The following RNF150 variants were observed in gnomAD, a reference collection of about 807,000 sequenced individuals.
The protein encoded by RNF150 is ring finger protein 150.
RNF150 carries 24 observed loss-of-function variants against 39.3 expected under a neutral mutation model. The ratio of observed to expected loss-of-function variants is 0.61; its 90% CI spans 0.44 to 0.86. The LOEUF (loss-of-function observed/expected upper bound fraction) is 0.86, where lower values mean the gene tolerates loss of function less well. Among genes scored for constraint, RNF150 ranks in the 40% least tolerant of loss-of-function variants. RNF150 has a pLI of 0.00. For missense variants in RNF150, 502 were observed against 587.8 expected (o/e 0.85, Z 1.51); for synonymous variants, 255 against 227.3 (o/e 1.12, Z -1.10).
chr4:141,151,992 A>C (rs966307176), intron 1 of RNF150, among the ~76,000 whole-genome samples: 6 of 152,128 alleles, frequency 3.9e-5, no homozygotes, highest in African/African-American at 1.2e-4. Context: ...TCTTTTACAA[A>C]ACTTTCATTG....
chr4:140,868,530 C>T (rs1443978152), intron 6 of RNF150, 151 bp from the exon 7 acceptor site: 1 of 581,526 alleles, frequency 1.7e-6, no homozygotes, highest in Admixed American at 3.2e-5. Flanking sequence ...TAGTTAAAGC[C>T]TCATCTCACA....
At position 140,883,927 on chromosome 4, in the gene RNF150, C is replaced by T. The variant is rs57444635; in HGVS notation, c.1199-15548G>A. Among the ~76,000 whole-genome samples the T allele has an allele frequency of 9.1e-3, 1,381 of 152,138 alleles. 27 individuals carry two copies. The highest frequency in any genetic ancestry group is 0.032 in the African/African-American group (1,310 of 41,512). On this transcript the variant is annotated intron_variant, in intron 6 of 6. Transcript: ENST00000515673. ...AACTCTCATGATGCACATATTTGTC[C>T]ACCTGATGGTACAGCATAAGTCCCT...
At chr4:140,900,209 G>GCA (rs1730140176) in intron 6 of RNF150, among the ~76,000 whole-genome samples, 1 of 152,158 alleles carries the variant, frequency 6.6e-6, no homozygotes, top group African/African-American at 2.4e-5. Context: ...TCATAGAGCA[G>GCA]TTGTCTATGG....
intron 1 of RNF150, among the ~76,000 whole-genome samples, chr4:141,118,984 C>T (rs900094755): frequency 1.2e-4 from 18 of 152,256 alleles, no homozygotes; most frequent in African/African-American, 4.3e-4. Context: ...TGGTCTCAAA[C>T]TCCTGACCTC....
chr4:141,147,610 C>T (rs998327112), intron 1 of RNF150, among the ~76,000 whole-genome samples: 1 of 152,156 alleles, frequency 6.6e-6, no homozygotes, highest in East Asian at 1.9e-4. Context: ...GCCAAAATAA[C>T]TGGATCTTAG....
At chr4:141,043,614 ATTCTC>A (rs141269913) in intron 1 of RNF150, among the ~76,000 whole-genome samples, 5,091 of 152,212 alleles carry the variant, frequency 0.033, 149 homozygotes, top group Non-Finnish European at 0.051. Context: ...TTGGATTTCT[ATTCTC>A]TTGTTTTGTT....
chr4:141,177,593 G>T (rs1303465829), intron 1 of RNF150, among the ~76,000 whole-genome samples: 2 of 152,028 alleles, frequency 1.3e-5, no homozygotes, highest in Admixed American at 6.6e-5. Flanking sequence ...CCTAGGAAGA[G>T]AATTTTTCTT....
At position 141,132,428 on chromosome 4, in the gene RNF150, C is replaced by G; in HGVS notation, c.381G>C (p.Thr127=). Residue 127 remains threonine (T), a synonymous_variant, in exon 1 of 7, where the codon ACG becomes ACC. Coordinates refer to ENST00000515673, the MANE Select transcript of RNF150 (RefSeq NM_020724.2). This position sits in a 1 kb window ranked among gnomAD's most constrained non-coding sequence, Gnocchi z 4.9. ...ACGCGTTCCGGATCTTATCCCTGTA[C>G]GTGCAGTTGCCCTTGGGGATGAGGG... ...WIALIPKGNC[T]YRDKIRNAFL... is the part of the protein sequence containing the mutation. 1 of 1,610,148 alleles carries G rather than the reference C, an allele frequency of 6.2e-7. No individual in the cohort carries two copies. Among genetic ancestry groups the G allele is most frequent in the Non-Finnish European group, 8.5e-7 (1 of 1,178,712 alleles).
At chr4:141,159,696 C>T (rs1360211219) in intron 1 of RNF150, among the ~76,000 whole-genome samples, 1 of 152,108 alleles carries the variant, frequency 6.6e-6, no homozygotes, top group Non-Finnish European at 1.5e-5. Context: ...CTGTATGTGA[C>T]CACACCTGGC....
At chr4:140,921,193 A>AATC (rs1162759209) in intron 5 of RNF150, among the ~76,000 whole-genome samples, 1 of 151,118 alleles carries the variant, frequency 6.6e-6, no homozygotes, top group African/African-American at 2.4e-5. Flanking sequence ...TAATAATAAT[A>AATC]ATAATAATAT....
chr4:140,889,478 C>T (rs189543194), intron 6 of RNF150, among the ~76,000 whole-genome samples: 17 of 152,290 alleles, frequency 1.1e-4, no homozygotes, highest in Admixed American at 1.1e-3. Context: ...CACATTCCTC[C>T]TAACCCCAAT....
At chr4:141,187,756 A>T (rs955798959) in intron 1 of RNF150, among the ~76,000 whole-genome samples, 1 of 152,046 alleles carries the variant, frequency 6.6e-6, no homozygotes, top group Non-Finnish European at 1.5e-5. Flanking sequence ...TGCATGTGAG[A>T]TGGGTCTCCT....
chr4:140,993,898 C>T (rs147806916), intron 1 of RNF150, among the ~76,000 whole-genome samples: 18 of 152,238 alleles, frequency 1.2e-4, no homozygotes, highest in Admixed American at 1.1e-3. Context: ...ACCTACTCAT[C>T]GGAAAACACT....
chr4:141,036,726 GA>G (rs908876864), intron 1 of RNF150, among the ~76,000 whole-genome samples: 1 of 151,998 alleles, frequency 6.6e-6, no homozygotes, highest in Non-Finnish European at 1.5e-5. Context: ...CTGTTTTAAA[GA>G]AAATCCTAAC....
intron 1 of RNF150, among the ~76,000 whole-genome samples, chr4:141,094,335 G>C (rs1738698281): frequency 6.6e-6 from 1 of 152,250 alleles, no homozygotes; most frequent in African/African-American, 2.4e-5. Context: ...CTTCTACCAA[G>C]TAGTGACTAG....
At chr4:140,987,833 T>C (rs189521897) in intron 1 of RNF150, among the ~76,000 whole-genome samples, 1 of 152,156 alleles carries the variant, frequency 6.6e-6, no homozygotes, top group East Asian at 1.9e-4. Flanking sequence ...ACCTACAGAA[T>C]GGGAGAAAAT....
intron 1 of RNF150, among the ~76,000 whole-genome samples, chr4:141,156,957 A>G (rs1179402121): frequency 1.3e-5 from 2 of 152,148 alleles, no homozygotes; most frequent in Non-Finnish European, 2.9e-5. Context: ...ATTAAGGTCC[A>G]GGCATTTCCA....
At chr4:141,047,426 G>A (rs1034712891) in intron 1 of RNF150, among the ~76,000 whole-genome samples, 5 of 152,082 alleles carry the variant, frequency 3.3e-5, no homozygotes, top group South Asian at 4.1e-4. Context: ...AAATGTGCAC[G>A]TTCCCAGAAC....
In RNF150 at chr4:140,932,565, G is replaced by A. The variant is rs72935370; in HGVS notation, c.891-6492C>T. Among the ~76,000 whole-genome samples the A allele has an allele frequency of 8.4e-3, 1,277 of 152,266 alleles. 20 individuals are homozygous for A. Among genetic ancestry groups the A allele is most frequent in the African/African-American group, 0.029 (1,224 of 41,548 alleles). On this transcript the variant is annotated intron_variant, in intron 4 of 6. Coordinates refer to ENST00000515673, the MANE Select transcript of RNF150 (RefSeq NM_020724.2). ...CATCCTCAAGCTGTCACAGGTAAGG[G>A]GGGTAGTTGGAGGTATTCAAACCTT...
Sources: allele counts gnomAD v4.1 joint callset (sites outside exome capture counted in the v4.1 genomes callset), GRCh38; gene constraint gnomAD v4.1.1; non-coding constraint Gnocchi (gnomAD v3.1); transcripts MANE v1.5; gene names NCBI Gene and HGNC (gene_info 2026-07-23, HGNC 2026-07-21).